Variants in ZNF780A observed in about 807,000 individuals in gnomAD.
ZNF780A encodes zinc finger protein 780A.
Under a neutral mutation model 56.7 loss-of-function variants are expected in ZNF780A, and 40 were observed. The observed-to-expected ratio is 0.71, with a 90% confidence interval of 0.55 to 0.92. The LOEUF is 0.92. Among genes scored for constraint, ZNF780A ranks in the 40% least tolerant of loss-of-function variants. The pLI is 0.00. For synonymous variants in ZNF780A, 231 were observed against 248.3 expected, an observed-to-expected ratio of 0.93 and a Z score of 0.66; for missense variants, 672 against 783.3, an observed-to-expected ratio of 0.86 and a Z score of 1.70.
rs575636313 is a variant in ZNF780A, at chr19:40,083,378, C to T, written c.10-141G>A. The stretch of plus-strand genomic sequence containing the variant: ...GCCTGCACATTCTTCAAGAAGTCTC[C>T]TGCTGGCTGAGTATGGTGGCTTATG... On this transcript the variant is annotated intron_variant, in intron 3 of 5. Transcript: ENST00000683561. The T allele has an allele frequency of 6.7e-6, 9 of 1,343,448 alleles. No homozygotes were observed. The South Asian group carries it at 7.3e-5, about 11-fold the overall frequency. The allele number at this position is 1,343,448 out of a possible 1,614,324, so 83.2% of individuals were successfully genotyped here.
Position 40,074,981 on chromosome 19 carries a change from G to C in ZNF780A, c.1461C>G (p.Ser487Arg). The change falls in exon 6 of 6, where the codon AGC becomes AGG. Residue 487 changes from serine (S) to arginine (R), a missense_variant. Transcript: ENST00000683561. ...DCGKAFNRGSSLVQHQSIHTG... is the reference protein window; with the variant it reads ...DCGKAFNRGSRLVQHQSIHTG... Reference sequence around the variant, plus strand: ...TGTGAATACTCTGATGTTGAACAAGGCTTGAGCCACGATTGAAGGCCTTCC... The same window carrying C: ...TGTGAATACTCTGATGTTGAACAAGCCTTGAGCCACGATTGAAGGCCTTCC... 1.9e-6 allele frequency: 3 copies of C among 1,614,000 alleles called. No homozygotes were observed. The highest frequency in any genetic ancestry group is 2.5e-6 in the Non-Finnish European group (3 of 1,180,010).
chr19:40,083,977 G>A (rs544081118), intron 3 of ZNF780A, among the ~76,000 whole-genome samples: 13 of 152,102 alleles, frequency 8.5e-5, no homozygotes, highest in African/African-American at 3.1e-4. Flanking sequence ...GCAGCTCACT[G>A]CAACCTCCAC....
rs1280119064 is a variant in ZNF780A at position 40,081,862 on chromosome 19, C to T, written c.189G>A (p.Glu63=). The change falls in exon 5 of 6, where the codon GAG becomes GAA. Residue 63 remains glutamate (E), a synonymous_variant. Coordinates refer to ENST00000683561, the MANE Select transcript of ZNF780A (RefSeq NM_001142578.2). ...DVITLLEQEK[E]PWMVVRKETS... ...TTTCTTTCCTTACAACCATCCAGGGCTCTTTCTCTTGCTCTAGTAACGTAA... is the reference window on the plus strand; with the variant it reads ...TTTCTTTCCTTACAACCATCCAGGGTTCTTTCTCTTGCTCTAGTAACGTAA... 6.8e-6 allele frequency: 11 copies of T among 1,612,848 alleles called. No homozygotes were observed. The highest frequency in any genetic ancestry group is 9.3e-6 in the Non-Finnish European group (11 of 1,179,300).
chr19:40,080,633 A>G (rs1447371580), intron 5 of ZNF780A, among the ~76,000 whole-genome samples: 1 of 152,216 alleles, frequency 6.6e-6, no homozygotes, highest in Non-Finnish European at 1.5e-5. Context: ...CCGAGTACAC[A>G]TGGACACAAA....
chr19:40,086,503 T>G (rs765517691), intron 2 of ZNF780A, among the ~76,000 whole-genome samples: 9 of 150,870 alleles, frequency 6.0e-5, no homozygotes, highest in Non-Finnish European at 1.2e-4. Flanking sequence ...ATGAACACAA[T>G]GCAGATAAGT....
chr19:40,087,159 G>A (rs1974851345), intron 2 of ZNF780A, among the ~76,000 whole-genome samples: 2 of 151,972 alleles, frequency 1.3e-5, no homozygotes, highest in African/African-American at 4.8e-5. Flanking sequence ...AATGATTTCT[G>A]TATTATAGGA....
intron 2 of ZNF780A, among the ~76,000 whole-genome samples, chr19:40,088,546 G>T (rs1974949028): frequency 6.6e-6 from 1 of 152,176 alleles, no homozygotes; most frequent in South Asian, 2.1e-4. Flanking sequence ...CACACTGTGG[G>T]TGAGAATGTA....
intron 5 of ZNF780A, among the ~76,000 whole-genome samples, chr19:40,079,354 T>A (rs963211192): frequency 1.3e-5 from 2 of 152,070 alleles, no homozygotes; most frequent in Non-Finnish European, 2.9e-5. Flanking sequence ...TGAATATTAT[T>A]AGATCAAAAG....
At chr19:40,072,577 C>T (rs1386336700), downstream of ZNF780A, 6 of 276,750 alleles carry the variant, frequency 2.2e-5, no homozygotes, top group East Asian at 2.9e-4. Context: ...GCATTCGAGC[C>T]GGCAACGACT....
Position 40,073,410 on chromosome 19 carries a change from T to G in ZNF780A, c.*1106A>C. 2.2e-6 allele frequency: 1 copy of G among 459,136 alleles called. No homozygotes were observed. Among genetic ancestry groups the G allele is most frequent in the South Asian group, 9.3e-5 (1 of 10,786 alleles). The allele number at this position is 459,136 out of a possible 1,614,324, so 28.4% of individuals were successfully genotyped here. ...ATTACCAAAATGTGACATAAAGACA[T>G]GAAATGCACACCTGACGTTGGGAAA... On this transcript the variant is annotated 3_prime_UTR_variant, in exon 6 of 6. Coordinates refer to ENST00000683561, the MANE Select transcript of ZNF780A (RefSeq NM_001142578.2).
Position 40,074,175 on chromosome 19 carries a change from T to C in ZNF780A, c.*341A>G. 3.6e-6 allele frequency: 5 copies of C among 1,388,054 alleles called. No homozygotes were observed. In the South Asian group the frequency reaches 5.9e-5, roughly 16 times the overall value. The allele number at this position is 1,388,054 out of a possible 1,614,324, so 86.0% of individuals were successfully genotyped here. The stretch of plus-strand genomic sequence containing the variant: ...ACTATTGAAGGCCTTCCCACATTTC[T>C]CAAATTCAAATGGCTTCTCGCCAGT... On this transcript the variant is annotated 3_prime_UTR_variant, in exon 6 of 6. Transcript: ENST00000683561.
In ZNF780A at chr19:40,089,712, T is replaced by C. The variant is rs139731632; in HGVS notation, c.-46+454A>G. Among the ~76,000 whole-genome samples the C allele has an allele frequency of 7.8e-3, 1,184 of 152,088 alleles. 7 individuals carry two copies. Among genetic ancestry groups the C allele is most frequent in the Non-Finnish European group, 0.013 (908 of 67,990 alleles). ...AGAGAGATCTGGCAAGTATTACAAA[T>C]ATCATCTCATGGACTCCCTGGAAAA... On this transcript the variant is annotated intron_variant, in intron 2 of 5. Coordinates refer to ENST00000683561, the MANE Select transcript of ZNF780A (RefSeq NM_001142578.2).
chr19:40,084,691 C>T (rs907573678), intron 3 of ZNF780A, 54 bp downstream of exon 3: 4 of 1,513,698 alleles, frequency 2.6e-6, no homozygotes, highest in Admixed American at 2.0e-5. Flanking sequence ...TAATAACAGT[C>T]ACCTAACCTG....
intron 2 of ZNF780A, among the ~76,000 whole-genome samples, chr19:40,089,721 A>T (rs924251917): frequency 2.4e-4 from 36 of 152,008 alleles, no homozygotes; most frequent in African/African-American, 7.0e-4. Context: ...ATATCATCTC[A>T]TGGACTCCCT....
intron 3 of ZNF780A, 142 bp downstream of exon 3, chr19:40,084,603 T>C (rs971878517): frequency 2.4e-6 from 2 of 816,832 alleles, no homozygotes; most frequent in African/African-American, 3.5e-5. Context: ...TTTTTTTTTT[T>C]TTGTCACCAA....
At position 40,074,727 on chromosome 19, in the gene ZNF780A, A is replaced by G. The variant is rs1973989873; in HGVS notation, c.1715T>C (p.Leu572Pro). 5 of 1,614,044 alleles carry G rather than the reference A, an allele frequency of 3.1e-6. No homozygotes were observed. Among genetic ancestry groups the G allele is most frequent in the Admixed American group, 1.7e-5 (1 of 60,004 alleles). The change falls in exon 6 of 6, where the codon CTT becomes CCT. Residue 572 changes from leucine (L) to proline (P), a missense_variant. Coordinates refer to ENST00000683561, the MANE Select transcript of ZNF780A (RefSeq NM_001142578.2). ...CGKAFRLHMHLIRHQKLHTGE... is the reference protein window; with the variant it reads ...CGKAFRLHMHPIRHQKLHTGE... ...AGTATGCAATTTCTGATGTCGAATA[A>G]GGTGCATATGAAGTCGAAAGGCTTT...
At chr19:40,085,894 T>A (rs901271716) in intron 2 of ZNF780A, among the ~76,000 whole-genome samples, 5 of 151,576 alleles carry the variant, frequency 3.3e-5, no homozygotes, top group Non-Finnish European at 7.4e-5. Flanking sequence ...AAATTGTAAC[T>A]ACATCCAAGC....
chr19:40,085,264 C>T (rs1165791687), intron 2 of ZNF780A: 1 of 985,302 alleles, frequency 1.0e-6, no homozygotes, highest in Non-Finnish European at 1.2e-6. Flanking sequence ...AACTGGAAAG[C>T]ATATTTGCAC....
chr19:40,084,459 T>G (rs991965540), intron 3 of ZNF780A, among the ~76,000 whole-genome samples: 2 of 152,194 alleles, frequency 1.3e-5, no homozygotes, highest in Non-Finnish European at 2.9e-5. Context: ...TGTTTCCCTG[T>G]GGGGACTGAT....
Sources: gnomAD v4.1 joint callset for allele counts (sites outside exome capture counted in the v4.1 genomes callset) on GRCh38, gnomAD v4.1.1 for gene constraint, MANE v1.5 for transcripts, NCBI Gene and HGNC (gene_info 2026-07-23, HGNC 2026-07-21) for gene names.